TENM2: variants seen among roughly 807,000 people sequenced by gnomAD.
TENM2 encodes the protein teneurin transmembrane protein 2, also known as teneurin-2.
Under a neutral mutation model 245.2 loss-of-function variants are expected in TENM2, and 52 were observed. The observed-to-expected ratio is 0.21, with a 90% CI of 0.17 to 0.27. The LOEUF (loss-of-function observed/expected upper bound fraction) is 0.27, where lower values mean the gene tolerates loss of function less well. Among genes scored for constraint, TENM2 ranks in the 10% least tolerant of loss-of-function variants. The pLI, the probability that TENM2 is intolerant of heterozygous loss-of-function variation, is 1.00. For synonymous variants in TENM2, 1,363 were observed against 1,438.9 expected (o/e 0.95, Z 1.19); for missense variants, 3,046 against 3,666.8 (o/e 0.83, Z 4.37).
the TENM2 span, among the ~76,000 whole-genome samples, chr5:167,032,848 G>A: frequency 2.6e-5 from 4 of 152,036 alleles, no homozygotes; most frequent in Non-Finnish European, 5.9e-5. Context: ...TCAGCTGAAG[G>A]ATTTTGTCAC....
intron 5 of TENM2, among the ~76,000 whole-genome samples, chr5:168,001,121 C>T (rs920557396): frequency 6.6e-6 from 1 of 152,118 alleles, no homozygotes. Context: ...TTCCAAATAC[C>T]CAGAATCCTT....
chr5:167,226,280 T>C, the TENM2 span, among the ~76,000 whole-genome samples: 1 of 152,044 alleles, frequency 6.6e-6, no homozygotes, highest in East Asian at 1.9e-4. Flanking sequence ...TTTTTTGATG[T>C]AGGCATTTAG....
chr5:167,664,883 A>G (rs1755469950), intron 2 of TENM2, among the ~76,000 whole-genome samples: 1 of 152,192 alleles, frequency 6.6e-6, no homozygotes, highest in Non-Finnish European at 1.5e-5. Flanking sequence ...AGCCTTCTTG[A>G]ACTCTCATTA....
chr5:167,480,707 T>C (rs1767706077), intron 2 of TENM2, among the ~76,000 whole-genome samples: 1 of 152,206 alleles, frequency 6.6e-6, no homozygotes, highest in African/African-American at 2.4e-5. Context: ...TTTCAGCTTC[T>C]TTAAGCTTCT....
At chr5:167,667,335 G>T (rs1755640944) in intron 2 of TENM2, among the ~76,000 whole-genome samples, 1 of 152,108 alleles carries the variant, frequency 6.6e-6, no homozygotes, top group Non-Finnish European at 1.5e-5. Context: ...CTCTGCCACA[G>T]TGACACCCAA....
chr5:168,006,827 A>G (rs1216037146), intron 5 of TENM2, among the ~76,000 whole-genome samples: 2 of 152,202 alleles, frequency 1.3e-5, no homozygotes, highest in Non-Finnish European at 1.5e-5. Context: ...TGCTTAAGTC[A>G]GGATTACCAT....
chr5:168,107,496 C>G (rs1794341204), intron 9 of TENM2, among the ~76,000 whole-genome samples: 1 of 152,168 alleles, frequency 6.6e-6, no homozygotes, highest in African/African-American at 2.4e-5. Flanking sequence ...CCCATGCCAG[C>G]CAATCTGACT....
the TENM2 span, among the ~76,000 whole-genome samples, chr5:167,176,813 A>G: frequency 1.3e-5 from 2 of 152,072 alleles, no homozygotes; most frequent in Non-Finnish European, 2.9e-5. Flanking sequence ...CTAAGGGGAA[A>G]ATAATCTATT....
the TENM2 span, among the ~76,000 whole-genome samples, chr5:167,204,766 T>C: frequency 6.6e-6 from 1 of 152,160 alleles, no homozygotes; most frequent in Non-Finnish European, 1.5e-5. Flanking sequence ...AGCTCAAGAA[T>C]TGTTCCAAGC....
At chr5:167,530,280 A>G (rs1400055517) in intron 2 of TENM2, among the ~76,000 whole-genome samples, 1 of 152,240 alleles carries the variant, frequency 6.6e-6, no homozygotes, top group Non-Finnish European at 1.5e-5. Flanking sequence ...TCTAGAAGGA[A>G]TACAGTTTTA....
At chr5:167,522,997 T>C (rs150145795) in intron 2 of TENM2, among the ~76,000 whole-genome samples, 2 of 152,258 alleles carry the variant, frequency 1.3e-5, no homozygotes, top group Non-Finnish European at 2.9e-5. Context: ...CAATGGCCTC[T>C]TCCAGCTTCT....
chr5:167,450,862 T>A (rs967541390), intron 2 of TENM2, among the ~76,000 whole-genome samples: 5 of 152,202 alleles, frequency 3.3e-5, no homozygotes, highest in African/African-American at 1.2e-4. Flanking sequence ...AAGCTAAGGA[T>A]GTTTCTCTGT....
At chr5:168,009,914 C>T (rs575013761) in intron 5 of TENM2, among the ~76,000 whole-genome samples, 4 of 152,232 alleles carry the variant, frequency 2.6e-5, no homozygotes, top group Admixed American at 1.3e-4. Context: ...AATTCTACAT[C>T]GGTAACCATT....
the TENM2 span, among the ~76,000 whole-genome samples, chr5:167,125,308 G>A: frequency 6.6e-6 from 1 of 152,224 alleles, no homozygotes; most frequent in Non-Finnish European, 1.5e-5. Flanking sequence ...TAATTATTCA[G>A]ATTAAGTACA....
chr5:167,384,641 G>A (rs1028749713), intron 2 of TENM2, among the ~76,000 whole-genome samples: 1 of 152,196 alleles, frequency 6.6e-6, no homozygotes, highest in Non-Finnish European at 1.5e-5. Context: ...TGTGAGCAAA[G>A]ACTGCAATAT....
At chr5:167,864,693 C>T (rs17512980) in intron 2 of TENM2, among the ~76,000 whole-genome samples, 2 of 152,014 alleles carry the variant, frequency 1.3e-5, no homozygotes, top group African/African-American at 4.8e-5. Flanking sequence ...CAGAAAACCT[C>T]GGTTCCAACT....
chr5:167,023,523 T>C, the TENM2 span, among the ~76,000 whole-genome samples: 1 of 152,190 alleles, frequency 6.6e-6, no homozygotes, highest in Non-Finnish European at 1.5e-5. Flanking sequence ...AGCATAAAAG[T>C]GTTGATAATT....
chr5:168,201,945 A>C (rs1581619511), intron 17 of TENM2, among the ~76,000 whole-genome samples: 1 of 152,038 alleles, frequency 6.6e-6, no homozygotes, highest in Non-Finnish European at 1.5e-5. Context: ...CTGACCATTG[A>C]TAGTTGGGTT....
At chr5:168,181,091 G>A (rs902503419) in intron 13 of TENM2, among the ~76,000 whole-genome samples, 1 of 152,198 alleles carries the variant, frequency 6.6e-6, no homozygotes, top group African/African-American at 2.4e-5. Flanking sequence ...TCACCTGGGA[G>A]CTCATAAATA....
Sources: gnomAD v4.1 joint callset for allele counts (sites outside exome capture counted in the v4.1 genomes callset) on GRCh38, gnomAD v4.1.1 for gene constraint, MANE v1.5 for transcripts, NCBI Gene and HGNC (gene_info 2026-07-23, HGNC 2026-07-21) for gene names.